The following CCNY variants were observed in gnomAD, a reference collection of about 807,000 sequenced individuals.
CCNY encodes the protein cyclin Y.
A neutral mutation model predicts 42.8 loss-of-function variants in CCNY; 19 were observed. That is an observed-to-expected ratio of 0.44 (90% CI 0.31 to 0.65). The LOEUF (loss-of-function observed/expected upper bound fraction) is 0.65, where lower values mean the gene tolerates loss of function less well. Ranked by LOEUF, CCNY falls within the 30% of genes least tolerant of loss-of-function variation. The pLI is 0.07. For missense variants in CCNY, 370 were observed against 437.3 expected (o/e 0.85, Z 1.37); for synonymous variants, 165 against 162.7 (o/e 1.01, Z -0.11).
At chr10:35,377,636 G>A (rs1302255625) in intron 1 of CCNY, among the ~76,000 whole-genome samples, 2 of 152,158 alleles carry the variant, frequency 1.3e-5, no homozygotes, top group African/African-American at 4.8e-5. Context: ...TTGATGGCAT[G>A]TGAATTACAA....
chr10:35,542,734 G>A (rs946170133), intron 7 of CCNY, among the ~76,000 whole-genome samples: 3 of 152,214 alleles, frequency 2.0e-5, no homozygotes, highest in African/African-American at 7.2e-5. Context: ...TGAAGTGACT[G>A]TGGAATCAAT....
rs746836701 is a variant in CCNY at position 35,519,863 on chromosome 10, C to T, written c.365+3240C>T. ...GCATGATCTCAGCTCACTGTAACTCCGCCTCCCAGGCTCAAGAGATCCTCC... is the reference window on the plus strand; with the variant it reads ...GCATGATCTCAGCTCACTGTAACTCTGCCTCCCAGGCTCAAGAGATCCTCC... On this transcript the variant is annotated intron_variant, in intron 4 of 9. Coordinates refer to ENST00000374704, the MANE Select transcript of CCNY (RefSeq NM_145012.6). Among the ~76,000 whole-genome samples, 94 of 143,878 alleles carry T rather than the reference C, an allele frequency of 6.5e-4. 1 individual carries two copies. Among genetic ancestry groups the T allele is most frequent in the African/African-American group, 2.2e-3 (85 of 38,230 alleles). The allele number at this position is 143,878 out of a possible 152,430, so 94.4% of individuals were successfully genotyped here.
At chr10:35,293,266 T>G (rs1835435686) in intron 3 of CCNY, among the ~76,000 whole-genome samples, 1 of 152,194 alleles carries the variant, frequency 6.6e-6, no homozygotes, top group African/African-American at 2.4e-5. Context: ...CTTGACACCC[T>G]TGTCAAAAAT....
intron 3 of CCNY, among the ~76,000 whole-genome samples, chr10:35,283,718 G>C (rs1262784960): frequency 6.6e-6 from 1 of 152,118 alleles, no homozygotes; most frequent in Non-Finnish European, 1.5e-5. Flanking sequence ...GAACAGTTTT[G>C]ATGGTAGGTA....
intron 1 of CCNY, among the ~76,000 whole-genome samples, chr10:35,379,125 G>A (rs1261365779): frequency 6.6e-6 from 1 of 152,186 alleles, no homozygotes; most frequent in Non-Finnish European, 1.5e-5. Flanking sequence ...GAGACCTCAC[G>A]ATGTACCAAG....
intron 1 of CCNY, among the ~76,000 whole-genome samples, chr10:35,476,806 A>T (rs1839521598): frequency 6.6e-6 from 1 of 152,158 alleles, no homozygotes; most frequent in African/African-American, 2.4e-5. Flanking sequence ...TGAAGGAAAT[A>T]GAGACACAAA....
At chr10:35,267,014 G>A (rs1488183151) in intron 3 of CCNY, among the ~76,000 whole-genome samples, 1 of 151,318 alleles carries the variant, frequency 6.6e-6, no homozygotes, top group Non-Finnish European at 1.5e-5. Flanking sequence ...CCTGGGAGGC[G>A]GAGGGTGCAG....
intron 3 of CCNY, among the ~76,000 whole-genome samples, chr10:35,284,353 A>G (rs893456259): frequency 6.3e-4 from 96 of 152,222 alleles, no homozygotes; most frequent in African/African-American, 2.3e-3. Flanking sequence ...CCTCATTCCC[A>G]AAGTGTCCTC....
intron 2 of CCNY, among the ~76,000 whole-genome samples, chr10:35,485,614 A>G (rs1312989075): frequency 1.3e-5 from 2 of 151,802 alleles, no homozygotes; most frequent in African/African-American, 2.4e-5. Flanking sequence ...ATTCCCAGCC[A>G]CTCAGGAGGC....
intron 1 of CCNY, among the ~76,000 whole-genome samples, chr10:35,443,732 A>T (rs1414130082): frequency 1.3e-5 from 2 of 152,224 alleles, no homozygotes; most frequent in African/African-American, 4.8e-5. Context: ...TTTAGGCTAG[A>T]TATTTCCCCT....
chr10:35,476,755 A>T (rs1354376947), intron 1 of CCNY, among the ~76,000 whole-genome samples: 1 of 151,636 alleles, frequency 6.6e-6, no homozygotes, highest in South Asian at 2.1e-4. Flanking sequence ...CACATTCAAA[A>T]GCTAGCAGAA....
chr10:35,341,016 C>G, intron 1 of CCNY, among the ~76,000 whole-genome samples: 1 of 152,206 alleles, frequency 6.6e-6, no homozygotes, highest in Admixed American at 6.5e-5. Flanking sequence ...CCCTTGCCTG[C>G]TCCAGTCTGT....
intron 8 of CCNY, among the ~76,000 whole-genome samples, chr10:35,557,081 G>A (rs538218848): frequency 6.0e-4 from 91 of 152,076 alleles, no homozygotes; most frequent in African/African-American, 2.1e-3. Flanking sequence ...CCTGACCTTA[G>A]GTGATCTGCC....
At chr10:35,435,055 G>A (rs1471601830) in intron 1 of CCNY, among the ~76,000 whole-genome samples, 1 of 152,214 alleles carries the variant, frequency 6.6e-6, no homozygotes, top group Non-Finnish European at 1.5e-5. Context: ...CCCCTGCCTT[G>A]CAGAGGCTGC....
At chr10:35,465,280 G>A (rs925642226) in intron 1 of CCNY, among the ~76,000 whole-genome samples, 2 of 144,264 alleles carry the variant, frequency 1.4e-5, no homozygotes, top group Non-Finnish European at 3.1e-5. Context: ...GCCCCTCCCC[G>A]CCCCGCCCCT....
intron 7 of CCNY, among the ~76,000 whole-genome samples, chr10:35,550,779 C>A (rs575098441): frequency 6.6e-6 from 1 of 152,260 alleles, no homozygotes; most frequent in African/African-American, 2.4e-5. Context: ...TTACTCCCCC[C>A]TCTTCTTTGT....
intron 3 of CCNY, among the ~76,000 whole-genome samples, chr10:35,260,462 T>A (rs1332457078): frequency 1.8e-4 from 28 of 152,164 alleles, no homozygotes; most frequent in Admixed American, 1.8e-3. Flanking sequence ...ATGTCAAATC[T>A]GGGACCCCGA....
chr10:35,546,303 A>G (rs563979235), intron 7 of CCNY, among the ~76,000 whole-genome samples: 2 of 152,356 alleles, frequency 1.3e-5, no homozygotes, highest in African/African-American at 4.8e-5. Flanking sequence ...CCTCAATTCC[A>G]CAAGTTTTAT....
chr10:35,524,492 A>G (rs981184349), intron 4 of CCNY, among the ~76,000 whole-genome samples: 4 of 152,230 alleles, frequency 2.6e-5, no homozygotes, highest in Admixed American at 2.0e-4. Flanking sequence ...TTGGAATCCA[A>G]GGTGCGTGCT....
Sources: allele counts gnomAD v4.1 joint callset (sites outside exome capture counted in the v4.1 genomes callset), GRCh38; gene constraint gnomAD v4.1.1; transcripts MANE v1.5; gene names NCBI Gene and HGNC (gene_info 2026-07-23, HGNC 2026-07-21).